The following CDH18 variants were observed in gnomAD, a reference collection of about 807,000 sequenced individuals.
CDH18 encodes the protein cadherin 18, also known as cadherin-18.
CDH18 carries 31 observed loss-of-function variants against 67.9 expected under a neutral mutation model. That is an observed-to-expected ratio of 0.46 (90% CI 0.34 to 0.62). CDH18 has a LOEUF of 0.62. Among genes scored for constraint, CDH18 ranks in the 20% least tolerant of loss-of-function variants. The pLI is 0.01. For missense variants in CDH18, 890 were observed against 975.5 expected (o/e 0.91, Z 1.17); for synonymous variants, 362 against 347.2 (o/e 1.04, Z -0.48).
chr5:19,507,448 A>G (rs1744382188), intron 10 of CDH18, among the ~76,000 whole-genome samples: 1 of 152,182 alleles, frequency 6.6e-6, no homozygotes, highest in Admixed American at 6.5e-5. Flanking sequence ...ATAAAGACAC[A>G]TGCACACGTA....
intron 1 of CDH18, among the ~76,000 whole-genome samples, chr5:20,283,126 A>G (rs530453735): frequency 6.6e-6 from 1 of 151,368 alleles, no homozygotes; most frequent in African/African-American, 2.4e-5. Context: ...AAATACTTAC[A>G]CTAAGACCTG....
chr5:20,376,044 AC>A (rs1224641243), intron 1 of CDH18, among the ~76,000 whole-genome samples: 1 of 151,232 alleles, frequency 6.6e-6, no homozygotes, highest in East Asian at 1.9e-4. Flanking sequence ...GCACTGACTT[AC>A]AATAAAATCT....
In CDH18 at chr5:19,751,335, AAGAT is replaced by A. The variant is rs371052075; in HGVS notation, c.229-4103_229-4100del. 5.1e-4 allele frequency among the ~76,000 whole-genome samples: 78 copies of A among 152,342 alleles called. 1 individual carries two copies. The East Asian group carries it at 0.01, about 20-fold the overall frequency. On this transcript the variant is annotated intron_variant, in intron 3 of 12. Transcript: ENST00000382275. Reference sequence around the variant, plus strand: ...CAAAGTTCAGTTTAATTATGTTAAAAAGATAGGTCATTGACTTAAAACTGTAATA... The same window carrying A: ...CAAAGTTCAGTTTAATTATGTTAAAAAGGTCATTGACTTAAAACTGTAATA...
At chr5:20,459,062 C>A (rs1751043899) in intron 1 of CDH18, among the ~76,000 whole-genome samples, 1 of 152,156 alleles carries the variant, frequency 6.6e-6, no homozygotes, top group Non-Finnish European at 1.5e-5. Flanking sequence ...TAATAGGACC[C>A]TGTCACGTGT....
intron 2 of CDH18, among the ~76,000 whole-genome samples, chr5:19,892,294 A>G (rs1788856746): frequency 6.6e-6 from 1 of 152,100 alleles, no homozygotes; most frequent in African/African-American, 2.4e-5. Context: ...CTTTGGGAGG[A>G]AAAATAATGC....
intron 1 of CDH18, among the ~76,000 whole-genome samples, chr5:20,462,571 T>C (rs1463420840): frequency 6.6e-6 from 1 of 152,210 alleles, no homozygotes; most frequent in Non-Finnish European, 1.5e-5. Context: ...TTGATAATTA[T>C]GTATTCTATG....
At chr5:19,828,422 GCAA>G (rs142617715) in intron 3 of CDH18, among the ~76,000 whole-genome samples, 13,220 of 151,834 alleles carry the variant, frequency 0.087, 587 homozygotes, top group African/African-American at 0.1. Flanking sequence ...AAAAACAACA[GCAA>G]CAACAACAAC....
At chr5:20,114,047 T>C (rs1346429427) in intron 2 of CDH18, among the ~76,000 whole-genome samples, 2 of 152,200 alleles carry the variant, frequency 1.3e-5, no homozygotes, top group Non-Finnish European at 2.9e-5. Flanking sequence ...TTTGGGGGTT[T>C]TCCTGTTAAT....
intron 3 of CDH18, among the ~76,000 whole-genome samples, chr5:19,781,787 A>T (rs1277999597): frequency 6.6e-6 from 1 of 152,138 alleles, no homozygotes; most frequent in Admixed American, 6.6e-5. Flanking sequence ...AGAAGGGAAG[A>T]TTGGTGGCAG....
At chr5:20,341,281 C>T (rs552561885) in intron 1 of CDH18, among the ~76,000 whole-genome samples, 2 of 152,176 alleles carry the variant, frequency 1.3e-5, no homozygotes, top group South Asian at 4.2e-4. Flanking sequence ...AAATCAGCAA[C>T]CAGCGAATAT....
At chr5:20,270,010 G>T (rs952136587) in intron 1 of CDH18, among the ~76,000 whole-genome samples, 1 of 151,962 alleles carries the variant, frequency 6.6e-6, no homozygotes, top group Non-Finnish European at 1.5e-5. Context: ...ACCTGAACTG[G>T]ATCATGAGGA....
chr5:19,739,421 T>G (rs147605506), intron 4 of CDH18, among the ~76,000 whole-genome samples: 1 of 152,206 alleles, frequency 6.6e-6, no homozygotes, highest in East Asian at 1.9e-4. Context: ...AAAAACCAGC[T>G]GGTAACCAGC....
chr5:19,535,352 C>T (rs1184321209), intron 9 of CDH18, among the ~76,000 whole-genome samples: 1 of 152,032 alleles, frequency 6.6e-6, no homozygotes, highest in Non-Finnish European at 1.5e-5. Context: ...TCTTTGTGTG[C>T]TAAGGGAAAT....
chr5:20,097,404 A>G (rs1029754186), intron 2 of CDH18, among the ~76,000 whole-genome samples: 3 of 152,140 alleles, frequency 2.0e-5, no homozygotes, highest in Non-Finnish European at 4.4e-5. Flanking sequence ...GAGTATGTGC[A>G]GGGGAATTGC....
intron 1 of CDH18, among the ~76,000 whole-genome samples, chr5:20,267,152 C>T (rs1745103168): frequency 6.6e-6 from 1 of 152,204 alleles, no homozygotes; most frequent in Non-Finnish European, 1.5e-5. Flanking sequence ...GGTTCAGTTT[C>T]ATAACCAATT....
chr5:20,071,647 G>A (rs892859544), intron 2 of CDH18, among the ~76,000 whole-genome samples: 1 of 151,990 alleles, frequency 6.6e-6, no homozygotes, highest in Non-Finnish European at 1.5e-5. Flanking sequence ...TTGAGCTATT[G>A]ATAGTTATTA....
chr5:20,284,654 T>C (rs575407874), intron 1 of CDH18, among the ~76,000 whole-genome samples: 1 of 152,094 alleles, frequency 6.6e-6, no homozygotes, highest in East Asian at 1.9e-4. Flanking sequence ...TACGACACCA[T>C]GAACAAGCTT....
rs150006454 is a variant in CDH18 at position 19,579,898 on chromosome 5, A to AC, written c.1000-8067dup. On this transcript the variant is annotated intron_variant, in intron 7 of 12. Coordinates refer to ENST00000382275, the MANE Select transcript of CDH18 (RefSeq NM_004934.5). ...TTCCCAATAAAATATCCTTCAATCC[A>AC]CCCCCCCCAAAGAAATATAATTATT... Among the ~76,000 whole-genome samples, 1,134 of 149,442 alleles carry AC rather than the reference A, an allele frequency of 7.6e-3. 15 individuals are homozygous for AC. The highest frequency in any genetic ancestry group is 0.025 in the African/African-American group (1,037 of 40,806).
chr5:20,260,673 T>C (rs957962531), intron 1 of CDH18, among the ~76,000 whole-genome samples: 10 of 152,168 alleles, frequency 6.6e-5, no homozygotes, highest in Middle Eastern at 3.2e-3. Context: ...TATGATGGGA[T>C]AGTCAGCCTG....
Sources: allele counts gnomAD v4.1 joint callset (sites outside exome capture counted in the v4.1 genomes callset), GRCh38; gene constraint gnomAD v4.1.1; transcripts MANE v1.5; gene names NCBI Gene and HGNC (gene_info 2026-07-23, HGNC 2026-07-21).